The following CCDC62 variants were observed in gnomAD, a reference collection of about 807,000 sequenced individuals.
CCDC62 encodes the protein coiled-coil domain-containing protein 62.
A neutral mutation model predicts 80.8 loss-of-function variants in CCDC62; 72 were observed. The observed-to-expected ratio is 0.89, with a 90% CI of 0.74 to 1.08. The LOEUF is 1.08. CCDC62 is among the 50% of genes least tolerant of loss of function. The pLI is 0.00. For missense variants in CCDC62, 704 were observed against 809.4 expected, an observed-to-expected ratio of 0.87 and a Z score of 1.58; for synonymous variants, 286 against 296.5, an observed-to-expected ratio of 0.96 and a Z score of 0.36.
Position 122,806,219 on chromosome 12 carries a change from C to G in CCDC62, c.1775C>G (p.Thr592Arg), listed in dbSNP as rs142626019. ...AAATCTGCCTTGAGAGAAGATGAGACGGAGTCCTCTTCCAATAAAAAGAAC... is the reference window on the plus strand; with the variant it reads ...AAATCTGCCTTGAGAGAAGATGAGAGGGAGTCCTCTTCCAATAAAAAGAAC... The part of the protein sequence containing the change: ...SSKSALREDE[T>R]ESSSNKKNSP... The change falls in exon 10 of 13, where the codon ACG (threonine) becomes AGG (arginine). Residue 592 changes from threonine to arginine, a missense_variant. By Grantham distance (71) the Thr-to-Arg change is moderately conservative. Coordinates refer to ENST00000253079, the MANE Select transcript of CCDC62 (RefSeq NM_201435.5). 2 of 1,613,688 alleles carry G rather than the reference C, an allele frequency of 1.2e-6. No individual in the cohort carries two copies. The highest frequency in any genetic ancestry group is 1.7e-6 in the Non-Finnish European group (2 of 1,179,686).
chr12:122,800,515 C>T (rs915868241), intron 8 of CCDC62, among the ~76,000 whole-genome samples: 2 of 151,590 alleles, frequency 1.3e-5, no homozygotes, highest in Admixed American at 6.6e-5. Context: ...GCAACCTCCA[C>T]CTCCCAGGTT....
At chr12:122,777,766 G>C in intron 2 of CCDC62, 83 bp downstream of exon 2, 3,491 of 1,164,180 alleles carry the variant, frequency 3.0e-3, no homozygotes, top group Non-Finnish European at 4.0e-3. Flanking sequence ...TAGAGAGGAA[G>C]TAAAGACTGC....
At chr12:122,805,796 C>T (rs558196387) in intron 9 of CCDC62, among the ~76,000 whole-genome samples, 104 of 151,730 alleles carry the variant, frequency 6.9e-4, no homozygotes, top group Non-Finnish European at 1.1e-3. Flanking sequence ...AGGTGTGAGC[C>T]ACCGCTCCCG....
chr12:122,823,362 C>G lies in CCDC62; in HGVS notation c.2002-4C>G. ...TGAATACTAATCTGGGAGTTGTTTTCTAGAAGTCAGAGGTCCCAGAAGAGT... is the reference window on the plus strand; with the variant it reads ...TGAATACTAATCTGGGAGTTGTTTTGTAGAAGTCAGAGGTCCCAGAAGAGT... On this transcript the variant is annotated splice_region_variant and splice_polypyrimidine_tract_variant and intron_variant, in intron 11 of 12. Transcript: ENST00000253079. 6.2e-7 allele frequency: 1 copy of G among 1,611,294 alleles called. No individual in the cohort carries two copies. The highest frequency in any genetic ancestry group is 8.5e-7 in the Non-Finnish European group (1 of 1,177,674).
intron 9 of CCDC62, among the ~76,000 whole-genome samples, chr12:122,805,547 C>CTCTG (rs2031556895): frequency 9.3e-6 from 1 of 108,048 alleles, no homozygotes; most frequent in Non-Finnish European, 1.7e-5. Context: ...CGGAGTCTTG[C>CTCTG]TCTGTCGCCC....
intron 10 of CCDC62, among the ~76,000 whole-genome samples, chr12:122,808,251 C>G (rs561510399): frequency 2.0e-4 from 31 of 152,146 alleles, no homozygotes; most frequent in African/African-American, 7.5e-4. Flanking sequence ...GAACCAAGAT[C>G]GTGCTACTGG....
intron 11 of CCDC62, among the ~76,000 whole-genome samples, chr12:122,816,352 T>G (rs1301775116): frequency 2.0e-5 from 3 of 152,212 alleles, no homozygotes; most frequent in Admixed American, 6.6e-5. Context: ...TGAGGCTGCT[T>G]CTTCCCCTGT....
chr12:122,816,018 A>G lies in CCDC62; in HGVS notation c.2001+2599A>G, dbSNP rs74867415. On this transcript the variant is annotated intron_variant, in intron 11 of 12. Transcript: ENST00000253079. Reference sequence around the variant, plus strand: ...TTCAGAGTTCCCTGGAGCAGTTTCTATGTGCCGCGAATAGATCCAAAACTA... The same window carrying G: ...TTCAGAGTTCCCTGGAGCAGTTTCTGTGTGCCGCGAATAGATCCAAAACTA... Among the ~76,000 whole-genome samples, 437 of 152,270 alleles carry G rather than the reference A, an allele frequency of 2.9e-3. 3 individuals carry two copies. The highest frequency in any genetic ancestry group is 8.5e-3 in the East Asian group (44 of 5,188).
Position 122,801,319 on chromosome 12 carries a change from T to C in CCDC62, c.1173T>C (p.Ser391=), listed in dbSNP as rs934797161. Residue 391 remains serine, a synonymous_variant, in exon 9 of 13, where the codon AGT becomes AGC. Transcript: ENST00000253079. ...TCGATACTGTGTTTGGGGAGAAAAG[T>C]GTAATTACGCTGTCATCCATATTCA... ...QQIDTVFGEK[S]VITLSSIFTK... The C allele has an allele frequency of 1.2e-6, 2 of 1,614,086 alleles. No homozygotes were observed. Among genetic ancestry groups the C allele is most frequent in the Admixed American group, 3.3e-5 (2 of 59,996 alleles).
rs116844402 is a variant in CCDC62 at position 122,817,392 on chromosome 12, G to A, written c.2001+3973G>A. The stretch of plus-strand genomic sequence containing the variant: ...TTATTTTTATTTTATTTTTGAGATG[G>A]AGTTTCACTCTTTCCTCCACTTCCT... On this transcript the variant is annotated intron_variant, in intron 11 of 12. Coordinates refer to ENST00000253079, the MANE Select transcript of CCDC62 (RefSeq NM_201435.5). Among the ~76,000 whole-genome samples, 679 of 149,678 alleles carry A rather than the reference G, an allele frequency of 4.5e-3. 3 individuals are homozygous for A. The highest frequency in any genetic ancestry group is 7.9e-3 in the Non-Finnish European group (536 of 67,500).
At chr12:122,805,109 T>C (rs1369945575) in intron 9 of CCDC62, among the ~76,000 whole-genome samples, 3 of 149,420 alleles carry the variant, frequency 2.0e-5, no homozygotes, top group Non-Finnish European at 4.4e-5. Context: ...GGTCTCAAAC[T>C]CCTGACCTCA....
At chr12:122,804,607 G>A (rs2031482859) in intron 9 of CCDC62, among the ~76,000 whole-genome samples, 1 of 152,056 alleles carries the variant, frequency 6.6e-6, no homozygotes, top group South Asian at 2.1e-4. Flanking sequence ...GCAACAGCAT[G>A]GCCCATCTCC....
rs566497036 is a variant in CCDC62, at chr12:122,783,992, A to G, written c.397-1727A>G. On this transcript the variant is annotated intron_variant, in intron 3 of 12. Transcript: ENST00000253079. The stretch of plus-strand genomic sequence containing the variant: ...TGTGTAATGACACATATCCTCTACT[A>G]TATTATAGTATGTACAGAATAGTTT... 5.9e-5 allele frequency among the ~76,000 whole-genome samples: 9 copies of G among 152,268 alleles called. No homozygotes were observed. The East Asian group carries it at 1.7e-3, about 29-fold the overall frequency.
chr12:122,809,271 C>T (rs1430437176), intron 10 of CCDC62, among the ~76,000 whole-genome samples: 4 of 152,076 alleles, frequency 2.6e-5, no homozygotes, highest in African/African-American at 9.7e-5. Context: ...GGGCAGATCA[C>T]CTGAGGTCAG....
intron 12 of CCDC62, among the ~76,000 whole-genome samples, chr12:122,825,607 C>T (rs1241407452): frequency 6.7e-6 from 1 of 148,604 alleles, no homozygotes; most frequent in African/African-American, 2.5e-5. Flanking sequence ...CCGCCCGCCT[C>T]GGCCTCCCAA....
intron 3 of CCDC62, among the ~76,000 whole-genome samples, chr12:122,781,557 C>T (rs1280544744): frequency 9.2e-5 from 14 of 152,076 alleles, no homozygotes; most frequent in African/African-American, 2.7e-4. Flanking sequence ...TGGTGGCACA[C>T]GCCTGTAGTC....
At chr12:122,780,782 G>C (rs1010514596) in intron 2 of CCDC62, among the ~76,000 whole-genome samples, 1 of 151,944 alleles carries the variant, frequency 6.6e-6, no homozygotes, top group Non-Finnish European at 1.5e-5. Context: ...ATTATCTTAA[G>C]CAAAAAAAGC....
In CCDC62 at chr12:122,797,471, C is replaced by T. The variant is rs547881591; in HGVS notation, c.861+76C>T. On this transcript the variant is annotated intron_variant, in intron 7 of 12. Coordinates refer to ENST00000253079, the MANE Select transcript of CCDC62 (RefSeq NM_201435.5). ...ATAGCAAATTAGGAAAAATGTATGC[C>T]CGTCGATTTTGTTTAATTGGTGATT... The T allele has an allele frequency of 6.4e-6, 5 of 784,812 alleles. No homozygotes were observed. In the East Asian group the frequency reaches 1.3e-4, roughly 20 times the overall value. 48.6% of individuals were successfully genotyped at this position (784,812 alleles called of 1,614,324 possible).
intron 11 of CCDC62, among the ~76,000 whole-genome samples, chr12:122,821,735 C>A (rs1325972349): frequency 6.6e-6 from 1 of 152,088 alleles, no homozygotes; most frequent in Non-Finnish European, 1.5e-5. Flanking sequence ...GCGTGAGCCA[C>A]TGTGCGTAGC....
Sources: gnomAD v4.1 joint callset for allele counts (sites outside exome capture counted in the v4.1 genomes callset) on GRCh38, gnomAD v4.1.1 for gene constraint, MANE v1.5 for transcripts, NCBI Gene and HGNC (gene_info 2026-07-23, HGNC 2026-07-21) for gene names.